KDM1B: variants seen among roughly 807,000 people sequenced by gnomAD.
KDM1B encodes the protein lysine-specific histone demethylase 2.
In KDM1B, 63 loss-of-function variants were observed where a neutral mutation model predicts 107.4. That is an observed-to-expected ratio of 0.59 (90% confidence interval 0.48 to 0.72). KDM1B has a LOEUF of 0.72. Ranked by LOEUF, KDM1B falls within the 30% of genes least tolerant of loss-of-function variation. The pLI is 0.00. For synonymous variants in KDM1B, 363 were observed against 363.9 expected (o/e 1.00, Z 0.03); for missense variants, 749 against 1,020.8 (o/e 0.73, Z 3.63).
intron 17 of KDM1B, among the ~76,000 whole-genome samples, chr6:18,210,362 T>TTTTTTTTTTTTTTTTTTTTTTTA (rs1788769785): frequency 9.8e-6 from 1 of 101,932 alleles, no homozygotes; most frequent in Non-Finnish European, 1.9e-5. Context: ...TTTTTTTTTT[T>TTTTTTTTTTTTTTTTTTTTTTTA]TTTTTTTTTT....
intron 20 of KDM1B, 38 bp from the exon 21 acceptor site, chr6:18,217,695 C>T (rs775343178): frequency 1.9e-6 from 3 of 1,594,678 alleles, no homozygotes; most frequent in Non-Finnish European, 2.6e-6. Context: ...TACATCCCTT[C>T]TTGATCCTAC....
In KDM1B at chr6:18,204,510, G is replaced by T. The variant is rs1467602552; in HGVS notation, c.1532-1027G>T. On this transcript the variant is annotated intron_variant, in intron 14 of 21. Transcript: ENST00000650836. This position sits in a 1 kb window ranked among gnomAD's most constrained non-coding sequence, Gnocchi z 4.9. The stretch of plus-strand genomic sequence containing the variant: ...GAAAAAGAAAACACCACCAGAAAAA[G>T]AAACGTGGAGTCTGTGATACATGTT... Among the ~76,000 whole-genome samples, 1 of 152,118 alleles carries T rather than the reference G, an allele frequency of 6.6e-6. No homozygotes were observed. Among genetic ancestry groups the T allele is most frequent in the Non-Finnish European group, 1.5e-5 (1 of 68,024 alleles).
intron 4 of KDM1B, 34 bp downstream of exon 4, chr6:18,161,488 C>G (rs779719380): frequency 6.8e-6 from 11 of 1,608,462 alleles, no homozygotes; most frequent in African/African-American, 5.4e-5. Context: ...CCTCCCATTT[C>G]TGCTTGTGAG....
At chr6:18,156,212 C>A (rs1285132108) in intron 2 of KDM1B, among the ~76,000 whole-genome samples, 1 of 152,208 alleles carries the variant, frequency 6.6e-6, no homozygotes, top group African/African-American at 2.4e-5. Context: ...GGGGTAACTC[C>A]TCTGGGATTG....
chr6:18,165,786 C>T (rs530694596), intron 5 of KDM1B, among the ~76,000 whole-genome samples: 7 of 152,282 alleles, frequency 4.6e-5, no homozygotes, highest in South Asian at 2.1e-4. Context: ...TGTGCCATTG[C>T]GCTGCAGCCT....
rs1789066410 is a variant in KDM1B at position 18,214,370 on chromosome 6, T to C, written c.2109+589T>C. On this transcript the variant is annotated intron_variant, in intron 19 of 21. Coordinates refer to ENST00000650836, the MANE Select transcript of KDM1B (RefSeq NM_001364614.2). This position sits in a 1 kb window ranked among gnomAD's most constrained non-coding sequence, Gnocchi z 4.4. ...GATTTTCTTTACCATTTGAGGTTTTTTTATTTTTCATTGTTTTATCTGCAG... is the reference window on the plus strand; with the variant it reads ...GATTTTCTTTACCATTTGAGGTTTTCTTATTTTTCATTGTTTTATCTGCAG... 1.3e-5 allele frequency among the ~76,000 whole-genome samples: 2 copies of C among 152,250 alleles called. No homozygotes were observed. The highest frequency in any genetic ancestry group is 2.9e-5 in the Non-Finnish European group (2 of 68,044).
chr6:18,198,551 C>G (rs113949256), intron 12 of KDM1B, among the ~76,000 whole-genome samples: 1 of 147,258 alleles, frequency 6.8e-6, no homozygotes, highest in Non-Finnish European at 1.5e-5. Context: ...TTTTTATGCC[C>G]GTCAAAAACG....
chr6:18,157,180 A>G (rs1472903981), intron 2 of KDM1B, among the ~76,000 whole-genome samples: 1 of 152,202 alleles, frequency 6.6e-6, no homozygotes, highest in East Asian at 1.9e-4. Flanking sequence ...ATTTTAGTAT[A>G]CTAAAAATTT....
At chr6:18,220,757 A>G (rs1204087322) in intron 21 of KDM1B, among the ~76,000 whole-genome samples, 3 of 149,270 alleles carry the variant, frequency 2.0e-5, no homozygotes, top group African/African-American at 5.0e-5. Context: ...CTTTGATGCG[A>G]TTATTACCTC....
intron 5 of KDM1B, among the ~76,000 whole-genome samples, chr6:18,164,929 A>T (rs1323224369): frequency 1.3e-5 from 2 of 152,134 alleles, no homozygotes; most frequent in Non-Finnish European, 1.5e-5. Context: ...TACAGGTGTG[A>T]GGCTCCATGC....
At chr6:18,220,281 C>T (rs1026178529) in intron 21 of KDM1B, among the ~76,000 whole-genome samples, 4 of 152,198 alleles carry the variant, frequency 2.6e-5, no homozygotes, top group African/African-American at 9.7e-5. Flanking sequence ...TGGCCGGGTG[C>T]GATGGCTCAC....
Position 18,222,504 on chromosome 6 carries a change from G to T in KDM1B, c.*512G>T. ...TAAAATTTAGATAGAACTTTTTTTT[G>T]GATACAGCACAAACTCCAGTTGACA... On this transcript the variant is annotated 3_prime_UTR_variant, in exon 22 of 22. Transcript: ENST00000650836. The T allele has an allele frequency of 5.0e-6, 1 of 201,728 alleles. No homozygotes were observed. The highest frequency in any genetic ancestry group is 1.0e-5 in the Non-Finnish European group (1 of 97,654). 12.5% of individuals were successfully genotyped at this position (201,728 alleles called of 1,614,324 possible).
chr6:18,201,680 A>C lies in KDM1B; in HGVS notation c.1531+23A>C. On this transcript the variant is annotated intron_variant, in intron 14 of 21. Coordinates refer to ENST00000650836, the MANE Select transcript of KDM1B (RefSeq NM_001364614.2). This position sits in a 1 kb window ranked among gnomAD's most constrained non-coding sequence, Gnocchi z 4.3. ...GAGGTATGGGGAGAACGGTGTTCTG[A>C]TTGTTCCATCTCAGTTTCGTTGTTA... is the stretch of plus-strand genomic sequence containing the variant. 6.6e-7 allele frequency: 1 copy of C among 1,520,788 alleles called. No individual in the cohort carries two copies. The highest frequency in any genetic ancestry group is 1.3e-5 in the South Asian group (1 of 79,310). The allele number at this position is 1,520,788 out of a possible 1,614,324, so 94.2% of individuals were successfully genotyped here.
intron 10 of KDM1B, among the ~76,000 whole-genome samples, chr6:18,193,339 T>C (rs1787420964): frequency 6.8e-6 from 1 of 146,966 alleles, no homozygotes; most frequent in Non-Finnish European, 1.5e-5. Flanking sequence ...AGACTTGTTC[T>C]GTTGCCCAGG....
In KDM1B at chr6:18,205,427, CTT is replaced by C; in HGVS notation, c.1532-108_1532-107del. On this transcript the variant is annotated intron_variant, in intron 14 of 21. Coordinates refer to ENST00000650836, the MANE Select transcript of KDM1B (RefSeq NM_001364614.2). This position sits in a 1 kb window ranked among gnomAD's most constrained non-coding sequence, Gnocchi z 5.7. ...CCCTCTGACTTTACTTGGGAAAAGA[CTT>C]TGGAAGTTTTGGGTGTTGCTGGGTG... 2 of 1,007,068 alleles carry C rather than the reference CTT, an allele frequency of 2.0e-6. No individual in the cohort carries two copies. The highest frequency in any genetic ancestry group is 1.7e-5 in the South Asian group (1 of 59,408). 62.4% of individuals were successfully genotyped at this position (1,007,068 alleles called of 1,614,324 possible). A position where few individuals can be genotyped will look rare whatever the true frequency, so the allele number is the denominator to read the frequency against.
chr6:18,198,648 A>AAC (rs1554147605), intron 12 of KDM1B, among the ~76,000 whole-genome samples: 1 of 141,432 alleles, frequency 7.1e-6, no homozygotes, highest in Non-Finnish European at 1.5e-5. Flanking sequence ...AAAAAAAAAA[A>AAC]AAAAAAAAAC....
intron 2 of KDM1B, among the ~76,000 whole-genome samples, chr6:18,158,649 A>G (rs1296672064): frequency 6.6e-6 from 1 of 152,218 alleles, no homozygotes. Flanking sequence ...GTTAAATCCA[A>G]TAGATCAAGG....
rs530646636 is a variant in KDM1B, at chr6:18,159,910, G to T, written c.15G>T (p.Arg5=). Residue 5 remains arginine, a synonymous_variant, in exon 3 of 22, where the codon CGG becomes CGT. Transcript: ENST00000650836. The surrounding 1 kb of genome is among the most constrained non-coding windows in gnomAD (Gnocchi z 4.5). ...TATTTAATGTAATGGCAACTCCACG[G>T]GGGAGGACAAAGAAAAAAGCATCTT... MATP[R]GRTKKKASFD... 1.2e-6 allele frequency: 2 copies of T among 1,608,170 alleles called. No individual in the cohort carries two copies. Among genetic ancestry groups the T allele is most frequent in the Non-Finnish European group, 1.7e-6 (2 of 1,177,262 alleles).
intron 10 of KDM1B, among the ~76,000 whole-genome samples, chr6:18,196,095 T>C (rs1166238618): frequency 1.3e-5 from 2 of 152,370 alleles, no homozygotes; most frequent in African/African-American, 4.8e-5. Context: ...TATTTGTCTG[T>C]GTCTGGTTTA....
Sources: allele counts gnomAD v4.1 joint callset (sites outside exome capture counted in the v4.1 genomes callset), GRCh38; gene constraint gnomAD v4.1.1; non-coding constraint Gnocchi (gnomAD v3.1); transcripts MANE v1.5; gene names NCBI Gene and HGNC (gene_info 2026-07-23, HGNC 2026-07-21).